The following SGCD variants were observed in gnomAD, a reference collection of about 807,000 sequenced individuals.
SGCD encodes sarcoglycan delta.
Under a neutral mutation model 36.6 loss-of-function variants are expected in SGCD, and 18 were observed. The observed-to-expected ratio is 0.49, with a 90% confidence interval of 0.34 to 0.73. The LOEUF is 0.73. Ranked by LOEUF, SGCD falls within the 30% of genes least tolerant of loss-of-function variation. The probability of loss-of-function intolerance (pLI) is 0.01; values close to 1 mark genes in which losing one functional copy is unlikely to be tolerated. For missense variants in SGCD, 387 were observed against 346.7 expected (o/e 1.12, Z -0.92); for synonymous variants, 133 against 130.6 (o/e 1.02, Z -0.12).
chr5:156,224,483 A>G (rs1028771648), intron 3 of SGCD, among the ~76,000 whole-genome samples: 1 of 152,150 alleles, frequency 6.6e-6, no homozygotes, highest in Non-Finnish European at 1.5e-5. Flanking sequence ...CGTTATCATC[A>G]TTAATAACAA....
At chr5:156,524,130 A>AC (rs1757541874) in intron 4 of SGCD, among the ~76,000 whole-genome samples, 1 of 91,586 alleles carries the variant, frequency 1.1e-5, no homozygotes, top group Non-Finnish European at 2.3e-5. Flanking sequence ...ATATATATAT[A>AC]TATATATATA....
At chr5:156,089,758 A>G (rs940682042) in intron 1 of SGCD, among the ~76,000 whole-genome samples, 6 of 152,198 alleles carry the variant, frequency 3.9e-5, no homozygotes, top group Non-Finnish European at 8.8e-5. Flanking sequence ...ATGTCCTTGC[A>G]TTATTTTCTG....
intron 1 of SGCD, among the ~76,000 whole-genome samples, chr5:155,989,111 A>G (rs1758385690): frequency 6.6e-6 from 1 of 152,168 alleles, no homozygotes; most frequent in Admixed American, 6.6e-5. Flanking sequence ...CAAAAAATCC[A>G]TTTCGGGACT....
At chr5:155,847,884 A>T in the SGCD span, among the ~76,000 whole-genome samples, 13 of 152,222 alleles carry the variant, frequency 8.5e-5, no homozygotes, top group Non-Finnish European at 1.6e-4. Context: ...AAATACAATG[A>T]TAATAAATTG....
chr5:155,823,042 TTCTATATC>T, the SGCD span, among the ~76,000 whole-genome samples: 3 of 146,004 alleles, frequency 2.1e-5, no homozygotes, highest in African/African-American at 5.0e-5. Context: ...ACATCTCTAT[TTCTATATC>T]TCTATATCTC....
intron 3 of SGCD, among the ~76,000 whole-genome samples, chr5:156,178,863 G>A (rs1383489623): frequency 6.6e-6 from 1 of 152,192 alleles, no homozygotes. Flanking sequence ...ACCGCGCCCA[G>A]CCTGAATGTA....
intron 3 of SGCD, among the ~76,000 whole-genome samples, chr5:156,274,985 A>G (rs562518585): frequency 5.5e-4 from 83 of 152,220 alleles, no homozygotes; most frequent in Non-Finnish European, 1.0e-3. Flanking sequence ...GTAAAATGTC[A>G]GTGGACACAG....
chr5:156,697,349 G>C (rs1234508541), intron 7 of SGCD, among the ~76,000 whole-genome samples: 1 of 152,156 alleles, frequency 6.6e-6, no homozygotes, highest in African/African-American at 2.4e-5. Flanking sequence ...TGTCTGAGGA[G>C]ATGGACAAGA....
the SGCD span, among the ~76,000 whole-genome samples, chr5:155,767,797 G>A: frequency 7.7e-4 from 117 of 152,266 alleles, no homozygotes; most frequent in Admixed American, 2.2e-3. Context: ...TAAGCCACGT[G>A]TGCTGTTTCC....
At chr5:156,195,190 A>T (rs1362172699) in intron 3 of SGCD, among the ~76,000 whole-genome samples, 2 of 152,164 alleles carry the variant, frequency 1.3e-5, no homozygotes, top group South Asian at 4.1e-4. Context: ...CCTCATTTAA[A>T]CCCTGTGCTA....
At chr5:155,926,729 A>G (rs1328278014) in intron 1 of SGCD, among the ~76,000 whole-genome samples, 3 of 152,202 alleles carry the variant, frequency 2.0e-5, no homozygotes, top group South Asian at 2.1e-4. Context: ...ATTGAGGTAT[A>G]TACACATCTG....
intron 1 of SGCD, among the ~76,000 whole-genome samples, chr5:155,925,473 C>T (rs1756977310): frequency 2.0e-5 from 3 of 152,194 alleles, no homozygotes; most frequent in African/African-American, 7.2e-5. Context: ...CTTCTGTGGT[C>T]GTCATCAATC....
rs577220150 is a variant in SGCD, at chr5:156,479,178, C to T, written c.193-29423C>T. Among the ~76,000 whole-genome samples the T allele has an allele frequency of 2.7e-4, 41 of 152,096 alleles. No homozygotes were observed. The South Asian group carries it at 7.9e-3, about 29-fold the overall frequency. ...CATGATCTCGGCTCACTGCAACCTC[C>T]ACCTCCCAGGTTCAAGCGATTCTCC... On this transcript the variant is annotated intron_variant, in intron 3 of 8. Coordinates refer to ENST00000337851, the MANE Select transcript of SGCD (RefSeq NM_000337.6).
intron 2 of SGCD, among the ~76,000 whole-genome samples, chr5:156,338,945 T>C (rs1768500688): frequency 1.4e-5 from 1 of 71,830 alleles, no homozygotes; most frequent in Admixed American, 1.2e-4. Flanking sequence ...ATTAAATTAA[T>C]ATCAAGTCTT....
chr5:156,216,219 A>T (rs1764569647), intron 3 of SGCD, among the ~76,000 whole-genome samples: 1 of 152,164 alleles, frequency 6.6e-6, no homozygotes, highest in South Asian at 2.1e-4. Context: ...AATTTCAGTT[A>T]GACAGAAGGA....
At chr5:155,837,737 A>G in the SGCD span, among the ~76,000 whole-genome samples, 7 of 152,216 alleles carry the variant, frequency 4.6e-5, no homozygotes, top group Non-Finnish European at 1.0e-4. Flanking sequence ...AACATAATTC[A>G]GTCTGCTTTC....
At chr5:156,310,717 G>GA (rs1399049249) in intron 3 of SGCD, among the ~76,000 whole-genome samples, 1 of 152,136 alleles carries the variant, frequency 6.6e-6, no homozygotes, top group Non-Finnish European at 1.5e-5. Flanking sequence ...GTGAATGAAT[G>GA]AACAGATTAT....
rs181013703 is a variant in SGCD, at chr5:155,992,188, C to T, written c.-282+121764C>T. On this transcript the variant is annotated intron_variant, in intron 1 of 9. Coordinates refer to the SGCD transcript ENST00000517913. Reference sequence around the variant, plus strand: ...TTTGTCATCATGAAAAGCAAACTGACTCAGATAGATATAGACCTCTTGAAA... The same window carrying T: ...TTTGTCATCATGAAAAGCAAACTGATTCAGATAGATATAGACCTCTTGAAA... Among the ~76,000 whole-genome samples, 6 of 152,326 alleles carry T rather than the reference C, an allele frequency of 3.9e-5. No homozygotes were observed. The East Asian group carries it at 1.2e-3, about 29-fold the overall frequency.
chr5:156,300,432 AT>A (rs1326138416), intron 3 of SGCD, among the ~76,000 whole-genome samples: 1 of 152,042 alleles, frequency 6.6e-6, no homozygotes, highest in Non-Finnish European at 1.5e-5. Context: ...AGTTTCCAAA[AT>A]TCCTCTTGTA....
Sources: gnomAD v4.1 joint callset for allele counts (sites outside exome capture counted in the v4.1 genomes callset) on GRCh38, gnomAD v4.1.1 for gene constraint, MANE v1.5 for transcripts, NCBI Gene and HGNC (gene_info 2026-07-23, HGNC 2026-07-21) for gene names.